DAB1: variants seen among roughly 807,000 people sequenced by gnomAD.
DAB1 encodes the protein DAB adaptor protein 1.
In DAB1, 15 loss-of-function variants were observed where a neutral mutation model predicts 64.6. The observed-to-expected ratio is 0.23, with a 90% CI of 0.16 to 0.36. The LOEUF is 0.36. DAB1 is among the 10% of genes least tolerant of loss of function. DAB1 has a pLI of 1.00. For synonymous variants in DAB1, 235 were observed against 251.9 expected (o/e 0.93, Z 0.64); for missense variants, 596 against 706.7 (o/e 0.84, Z 1.78).
intron 1 of DAB1, among the ~76,000 whole-genome samples, chr1:57,334,366 T>C (rs891107130): frequency 3.3e-5 from 5 of 152,210 alleles, no homozygotes; most frequent in African/African-American, 1.2e-4. Context: ...GGACAGTGGC[T>C]TTATGACTTG....
chr1:58,315,453 A>G (rs34521984), intron 4 of DAB1, among the ~76,000 whole-genome samples: 15,245 of 152,082 alleles, frequency 0.1, 1,001 homozygotes, highest in Non-Finnish European at 0.14. Flanking sequence ...TCTTCCTTTC[A>G]TTTATCCAAC....
chr1:58,198,923 T>C (rs923926894), intron 4 of DAB1, among the ~76,000 whole-genome samples: 1 of 152,252 alleles, frequency 6.6e-6, no homozygotes, highest in Non-Finnish European at 1.5e-5. Flanking sequence ...CTGGCCAACA[T>C]GGTGAAACTT....
chr1:57,343,770 G>A (rs765124912), intron 1 of DAB1, among the ~76,000 whole-genome samples: 1 of 152,164 alleles, frequency 6.6e-6, no homozygotes, highest in Non-Finnish European at 1.5e-5. Context: ...TGCAGCCCCG[G>A]TTCCCACCGA....
rs572010706 is a variant in DAB1, at chr1:57,147,427, C to T, written c.68-1998G>A. ...AGGTCTGGACCTGTGGTCCTGACCC[C>T]CAGTTTTCTTTTTGTTTTTTCCATG... On this transcript the variant is annotated intron_variant, in intron 2 of 14. Coordinates refer to ENST00000371236, the MANE Select transcript of DAB1 (RefSeq NM_001365792.1). 1.4e-4 allele frequency among the ~76,000 whole-genome samples: 22 copies of T among 151,992 alleles called. No individual in the cohort carries two copies. In the East Asian group the frequency reaches 2.9e-3, roughly 20 times the overall value.
chr1:57,799,592 G>C (rs1020886798), intron 6 of DAB1, among the ~76,000 whole-genome samples: 3 of 151,140 alleles, frequency 2.0e-5, no homozygotes, highest in South Asian at 2.1e-4. Context: ...ATCTGGGGGG[G>C]GCTTTCAGGA....
Position 58,011,455 on chromosome 1 carries a change from C to T in DAB1, n.388-127293G>A, listed in dbSNP as rs954170041. 3.3e-5 allele frequency among the ~76,000 whole-genome samples: 5 copies of T among 152,282 alleles called. No homozygotes were observed. The South Asian group carries it at 6.2e-4, about 19-fold the overall frequency. ...ATATTATCCTTATTTTAAGAGGAAG[C>T]TGAGGCACAGAGTGGTTGAGTAGTT... On this transcript the variant is annotated intron_variant and non_coding_transcript_variant, in intron 5 of 20. Coordinates refer to the DAB1 transcript ENST00000485760.
At chr1:57,198,217 C>A (rs866022189) in intron 2 of DAB1, among the ~76,000 whole-genome samples, 1 of 152,114 alleles carries the variant, frequency 6.6e-6, no homozygotes. Flanking sequence ...CATCTCCCTC[C>A]CTCCCTTCCT....
intron 3 of DAB1, among the ~76,000 whole-genome samples, chr1:58,473,339 G>A (rs1178751997): frequency 6.6e-6 from 1 of 151,482 alleles, no homozygotes; most frequent in Admixed American, 6.6e-5. Context: ...TCAGGAGATC[G>A]AGACCATCCT....
chr1:57,723,781 C>T (rs1176692865), intron 6 of DAB1, among the ~76,000 whole-genome samples: 4 of 152,098 alleles, frequency 2.6e-5, no homozygotes, highest in African/African-American at 9.7e-5. Context: ...TTTGTTTCTA[C>T]TGCTCTCAGG....
chr1:58,068,460 T>C (rs542127950), intron 5 of DAB1, among the ~76,000 whole-genome samples: 2 of 152,142 alleles, frequency 1.3e-5, no homozygotes, highest in Admixed American at 1.3e-4. Context: ...AAAAGAAAGA[T>C]TATAGGTTAA....
intron 4 of DAB1, among the ~76,000 whole-genome samples, chr1:58,184,966 T>A (rs1297484432): frequency 6.6e-6 from 1 of 152,132 alleles, no homozygotes; most frequent in Non-Finnish European, 1.5e-5. Context: ...ATGTCTAGCA[T>A]GAGGAAGAGC....
chr1:57,381,814 T>C (rs1023733471), intron 1 of DAB1, among the ~76,000 whole-genome samples: 4 of 152,214 alleles, frequency 2.6e-5, no homozygotes, highest in African/African-American at 9.6e-5. Flanking sequence ...GGCATTGGTT[T>C]CGACATTTAT....
chr1:57,161,409 T>C (rs1660732910), intron 2 of DAB1, among the ~76,000 whole-genome samples: 1 of 152,168 alleles, frequency 6.6e-6, no homozygotes, highest in South Asian at 2.1e-4. Context: ...GCAGCTGGGC[T>C]GCACCTGTAA....
chr1:57,057,663 A>T (rs953907699), intron 9 of DAB1, among the ~76,000 whole-genome samples: 5 of 148,450 alleles, frequency 3.4e-5, no homozygotes, highest in African/African-American at 1.3e-4. Flanking sequence ...GCTGGAGTGC[A>T]GTGGCATGAT....
chr1:58,375,598 G>T (rs201790485), intron 3 of DAB1, among the ~76,000 whole-genome samples: 3 of 148,970 alleles, frequency 2.0e-5, no homozygotes, highest in Admixed American at 6.7e-5. Flanking sequence ...TTTTATTGAA[G>T]ATTTTTGCAT....
chr1:57,492,436 G>C (rs1476358035), intron 7 of DAB1, among the ~76,000 whole-genome samples: 2 of 152,118 alleles, frequency 1.3e-5, no homozygotes, highest in Non-Finnish European at 2.9e-5. Context: ...GAATTACTCT[G>C]GAAACTCTAG....
chr1:57,428,937 G>C (rs1161407850), upstream of DAB1, among the ~76,000 whole-genome samples: 1 of 147,966 alleles, frequency 6.8e-6, no homozygotes, highest in Non-Finnish European at 1.5e-5. Context: ...TTTTGAGACA[G>C]GGTCTCACTC....
intron 5 of DAB1, among the ~76,000 whole-genome samples, chr1:57,895,985 G>A (rs1644386227): frequency 6.6e-6 from 1 of 152,154 alleles, no homozygotes; most frequent in South Asian, 2.1e-4. Context: ...CCAAAACCTG[G>A]TGAATGTGTG....
intron 2 of DAB1, among the ~76,000 whole-genome samples, chr1:57,257,607 G>A (rs891617953): frequency 6.6e-6 from 1 of 152,168 alleles, no homozygotes; most frequent in Non-Finnish European, 1.5e-5. Context: ...TCTCCTATGT[G>A]ATTGTAATAA....
Sources: gnomAD v4.1 joint callset for allele counts (sites outside exome capture counted in the v4.1 genomes callset) on GRCh38, gnomAD v4.1.1 for gene constraint, MANE v1.5 for transcripts, NCBI Gene and HGNC (gene_info 2026-07-23, HGNC 2026-07-21) for gene names.